CR1: variants seen among roughly 807,000 people sequenced by gnomAD.
CR1 encodes the protein complement receptor type 1.
CR1 carries 116 observed loss-of-function variants against 187.3 expected under a neutral mutation model. The ratio of observed to expected loss-of-function variants is 0.62; its 90% CI spans 0.53 to 0.72. CR1 has a LOEUF of 0.72. CR1 is among the 30% of genes least tolerant of loss of function. The pLI is 0.00. For synonymous variants in CR1, 576 were observed against 747.1 expected, an observed-to-expected ratio of 0.77 and a Z score of 3.73; for missense variants, 1,731 against 2,110.7, an observed-to-expected ratio of 0.82 and a Z score of 3.52.
chr1:207,574,203 AG>A (rs1420310639), intron 27 of CR1, among the ~76,000 whole-genome samples: 5 of 152,316 alleles, frequency 3.3e-5, no homozygotes, highest in Admixed American at 3.3e-4. Context: ...AAATTCCAGA[AG>A]GGTAAGCAAA....
chr1:207,513,582 A>G (rs756046121), intron 4 of CR1, among the ~76,000 whole-genome samples: 2 of 152,226 alleles, frequency 1.3e-5, no homozygotes, highest in African/African-American at 4.8e-5. Flanking sequence ...TTCTCATGCT[A>G]TAACCCTAGT....
chr1:207,506,402 T>C (rs1659433789), intron 2 of CR1, among the ~76,000 whole-genome samples: 1 of 152,236 alleles, frequency 6.6e-6, no homozygotes, highest in African/African-American at 2.4e-5. Flanking sequence ...ATTAAATAAC[T>C]AAAAGATGTG....
rs1252350326 is a variant in CR1, at chr1:207,601,998, T to C, written c.5811-5253T>C. On this transcript the variant is annotated intron_variant, in intron 35 of 46. Coordinates refer to ENST00000367049, the MANE Select transcript of CR1 (RefSeq NM_000651.6). ...AGCATCTCAAAAAGAGAAGAAAACA[T>C]TGCAGTGCTTTTTGTGGTTAGCCTC... 2.6e-5 allele frequency among the ~76,000 whole-genome samples: 4 copies of C among 152,126 alleles called. No homozygotes were observed. In the East Asian group the frequency reaches 7.7e-4, roughly 29 times the overall value.
intron 27 of CR1, among the ~76,000 whole-genome samples, chr1:207,574,185 T>C (rs942128250): frequency 2.6e-5 from 4 of 152,020 alleles, no homozygotes; most frequent in African/African-American, 9.7e-5. Context: ...TCAAAATACA[T>C]GTAGCAAAAA....
At chr1:207,597,776 T>C (rs1661492014) in intron 35 of CR1, among the ~76,000 whole-genome samples, 2 of 152,184 alleles carry the variant, frequency 1.3e-5, no homozygotes, top group Non-Finnish European at 2.9e-5. Context: ...AAACAAGGAC[T>C]GAAGCAGATG....
chr1:207,575,298 A>C (rs1451294857), intron 27 of CR1, among the ~76,000 whole-genome samples: 1 of 152,174 alleles, frequency 6.6e-6, no homozygotes, highest in Non-Finnish European at 1.5e-5. Flanking sequence ...GAATTTAAGA[A>C]AAAAATTGTC....
chr1:207,616,934 C>T, intron 41 of CR1, 132 bp downstream of exon 41: 1 of 1,301,576 alleles, frequency 7.7e-7, no homozygotes. Context: ...GAACTACCTC[C>T]CAAGTGAATG....
chr1:207,585,432 G>A (rs113529561), intron 33 of CR1, among the ~76,000 whole-genome samples: 2,568 of 152,320 alleles, frequency 0.017, 65 homozygotes, highest in African/African-American at 0.058. Context: ...TACTTGAACT[G>A]TTCCACTCAG....
At chr1:207,522,476 A>T (rs1660028211) in intron 4 of CR1, among the ~76,000 whole-genome samples, 3 of 152,228 alleles carry the variant, frequency 2.0e-5, no homozygotes, top group Admixed American at 1.3e-4. Flanking sequence ...AAGTCTGTTC[A>T]GCCTCTCAGT....
intron 41 of CR1, 86 bp downstream of exon 41, chr1:207,616,888 C>T: frequency 1.2e-5 from 19 of 1,535,496 alleles, no homozygotes; most frequent in Non-Finnish European, 1.5e-5. Context: ...GTCATTTTTG[C>T]TTGTGAAAAT....
At chr1:207,596,672 A>G (rs1661451618) in intron 35 of CR1, among the ~76,000 whole-genome samples, 1 of 150,974 alleles carries the variant, frequency 6.6e-6, no homozygotes, top group Non-Finnish European at 1.5e-5. Context: ...AAGAGTGAAA[A>G]GAATTCTTGA....
intron 31 of CR1, 106 bp downstream of exon 31, chr1:207,580,719 G>A (rs1250294870): frequency 1.9e-6 from 2 of 1,032,410 alleles, no homozygotes; most frequent in Non-Finnish European, 2.9e-6. Context: ...GAAGAATCCA[G>A]GGAGATTAAC....
chr1:207,577,907 T>G lies in CR1; in HGVS notation c.4640T>G (p.Leu1547Arg), dbSNP rs200111726. ...TCAGTGGTGACCTACCGCTGCAATCTTGGAAGCAGAGGGAGAAAGGTGTTT... is the reference window on the plus strand; with the variant it reads ...TCAGTGGTGACCTACCGCTGCAATCGTGGAAGCAGAGGGAGAAAGGTGTTT... Reference protein sequence around the residue: ...YGSVVTYRCNLGSRGRKVFEL... With the variant: ...YGSVVTYRCNRGSRGRKVFEL... Residue 1547 changes from leucine (L) to arginine (R), a missense_variant, in exon 29 of 47, where the codon CTT becomes CGT. Transcript: ENST00000367049. 3.1e-6 allele frequency: 5 copies of G among 1,612,576 alleles called. No individual in the cohort carries two copies.
intron 4 of CR1, among the ~76,000 whole-genome samples, chr1:207,515,266 C>CGTATACATATATAGGTATAT (rs1491155819): frequency 5.5e-5 from 7 of 127,568 alleles, no homozygotes; most frequent in South Asian, 2.6e-4. Flanking sequence ...TATACGTATA[C>CGTATACATATATAGGTATAT]GTATACATAT....
intron 37 of CR1, 88 bp from the exon 38 acceptor site, chr1:207,611,589 C>T (rs143255542): frequency 1.1e-4 from 166 of 1,545,676 alleles, no homozygotes; most frequent in Middle Eastern, 5.3e-4. Context: ...TCTGCAATGA[C>T]GATTTTTAAG....
chr1:207,523,480 T>G (rs1660060732), intron 4 of CR1, 131 bp from the exon 5 acceptor site: 2 of 1,449,224 alleles, frequency 1.4e-6, no homozygotes, highest in Admixed American at 2.2e-5. Context: ...TTTATAAAAA[T>G]GTACCTATGT....
intron 34 of CR1, among the ~76,000 whole-genome samples, chr1:207,588,069 A>G (rs553489062): frequency 2.0e-5 from 3 of 152,344 alleles, no homozygotes; most frequent in African/African-American, 7.2e-5. Flanking sequence ...GACATCCCAA[A>G]TTTTGAGGCC....
At chr1:207,616,063 C>T (rs1364857129) in intron 40 of CR1, among the ~76,000 whole-genome samples, 3 of 152,166 alleles carry the variant, frequency 2.0e-5, no homozygotes, top group Non-Finnish European at 4.4e-5. Context: ...AACAGCCTTA[C>T]TGGTGTCTGA....
intron 1 of CR1, 121 bp downstream of exon 1, chr1:207,496,509 A>T: frequency 9.6e-7 from 1 of 1,041,070 alleles, no homozygotes; most frequent in Non-Finnish European, 1.3e-6. Context: ...AGGCAGCGCG[A>T]TGGGTGGGCT....
Sources: gnomAD v4.1 joint callset for allele counts (sites outside exome capture counted in the v4.1 genomes callset) on GRCh38, gnomAD v4.1.1 for gene constraint, MANE v1.5 for transcripts, NCBI Gene and HGNC (gene_info 2026-07-23, HGNC 2026-07-21) for gene names.